The following PRKACB variants were observed in gnomAD, a reference collection of about 807,000 sequenced individuals.
The protein encoded by PRKACB is protein kinase cAMP-activated catalytic subunit beta.
In PRKACB, 16 loss-of-function variants were observed where a neutral mutation model predicts 51.4. That is an observed-to-expected ratio of 0.31 (90% CI 0.21 to 0.47). PRKACB has a LOEUF of 0.47. PRKACB is among the 20% of genes least tolerant of loss of function. PRKACB has a pLI of 1.00. For missense variants in PRKACB, 309 were observed against 464.5 expected (o/e 0.67, Z 3.08); for synonymous variants, 147 against 154.4 (o/e 0.95, Z 0.35).
intron 5 of PRKACB, among the ~76,000 whole-genome samples, chr1:84,191,680 A>G (rs1381572425): frequency 6.6e-6 from 1 of 152,042 alleles, no homozygotes; most frequent in Admixed American, 6.6e-5. Context: ...ACTACTAGAG[A>G]GGAGAGGGAG....
chr1:84,181,006 AAG>A (rs41300522), intron 2 of PRKACB, among the ~76,000 whole-genome samples: 1,947 of 152,154 alleles, frequency 0.013, 54 homozygotes, highest in African/African-American at 0.045. Context: ...TCAGAATTAT[AAG>A]AGCTTTCTGT....
At chr1:84,173,333 C>G (rs1025907665) in intron 1 of PRKACB, 14 of 1,574,036 alleles carry the variant, frequency 8.9e-6, no homozygotes, top group Non-Finnish European at 1.2e-5. Flanking sequence ...ATCAAGCACG[C>G]AAATCATCAG....
intron 1 of PRKACB, among the ~76,000 whole-genome samples, chr1:84,126,434 A>G (rs578013494): frequency 6.6e-6 from 1 of 152,230 alleles, no homozygotes; most frequent in South Asian, 2.1e-4. Context: ...TCCTGCTGTC[A>G]AGCTGTTCCT....
At chr1:84,164,852 A>G (rs1229222155) in intron 1 of PRKACB, 1 of 1,380,312 alleles carries the variant, frequency 7.2e-7, no homozygotes, top group Non-Finnish European at 9.4e-7. Context: ...TTCTCTTTTT[A>G]AAACAAAAGA....
At chr1:84,095,062 A>G (rs1648816262) in intron 1 of PRKACB, among the ~76,000 whole-genome samples, 1 of 151,952 alleles carries the variant, frequency 6.6e-6, no homozygotes, top group South Asian at 2.1e-4. Flanking sequence ...ATATGTAGTA[A>G]GCTATACGAT....
intron 5 of PRKACB, among the ~76,000 whole-genome samples, chr1:84,189,793 C>T (rs979558029): frequency 6.6e-6 from 1 of 151,928 alleles, no homozygotes; most frequent in Non-Finnish European, 1.5e-5. Flanking sequence ...AATTAAAAAT[C>T]ACAACCTTTT....
intron 1 of PRKACB, among the ~76,000 whole-genome samples, chr1:84,176,093 T>C (rs1572069061): frequency 6.6e-6 from 1 of 151,754 alleles, no homozygotes; most frequent in Non-Finnish European, 1.5e-5. Flanking sequence ...AGAGCTAATA[T>C]TCTAACTCAG....
At chr1:84,213,136 C>T (rs2101570651) in intron 8 of PRKACB, among the ~76,000 whole-genome samples, 1 of 152,112 alleles carries the variant, frequency 6.6e-6, no homozygotes, top group African/African-American at 2.4e-5. Context: ...GTAGTTGAGG[C>T]TGTAATAATC....
chr1:84,102,953 A>G (rs981666517), intron 1 of PRKACB, among the ~76,000 whole-genome samples: 13 of 152,086 alleles, frequency 8.5e-5, no homozygotes, highest in African/African-American at 2.7e-4. Flanking sequence ...CTATCTCACC[A>G]TCGTGTATTG....
chr1:84,157,666 C>A (rs1005671631), intron 1 of PRKACB, among the ~76,000 whole-genome samples: 4 of 152,002 alleles, frequency 2.6e-5, no homozygotes, highest in Non-Finnish European at 5.9e-5. Context: ...TTATCTTTTA[C>A]TTTTGGCTTC....
At chr1:84,175,921 C>T (rs1661091861) in intron 1 of PRKACB, 2 of 804,432 alleles carry the variant, frequency 2.5e-6, no homozygotes, top group East Asian at 3.1e-5. Flanking sequence ...TTTGTGTGTC[C>T]TCTTTTTTGT....
Position 84,086,147 on chromosome 1 carries a change from A to G in PRKACB, c.46+7776A>G, listed in dbSNP as rs372165370. 2.6e-5 allele frequency: 41 copies of G among 1,597,586 alleles called. No individual in the cohort carries two copies. The South Asian group carries it at 3.6e-4, about 14-fold the overall frequency. On this transcript the variant is annotated intron_variant, in intron 1 of 8. Transcript: ENST00000370688. Reference sequence around the variant, plus strand: ...GTTGGTGGTGCCCACTGTGCTGGCCATGAAGAATGGGGATGTGGTGGACAA... The same window carrying G: ...GTTGGTGGTGCCCACTGTGCTGGCCGTGAAGAATGGGGATGTGGTGGACAA...
chr1:84,231,651 A>G (rs1675681052), intron 9 of PRKACB, among the ~76,000 whole-genome samples: 1 of 152,174 alleles, frequency 6.6e-6, no homozygotes, highest in African/African-American at 2.4e-5. Flanking sequence ...TAGTCTTCAG[A>G]GAGTGTATGT....
rs1235826458 is a variant in PRKACB, at chr1:84,236,708, T to G, written c.*1403T>G. The G allele has an allele frequency of 6.6e-6, 1 of 152,604 alleles. No homozygotes were observed. The highest frequency in any genetic ancestry group is 1.9e-4 in the East Asian group (1 of 5,202). 9.5% of individuals were successfully genotyped at this position (152,604 alleles called of 1,614,324 possible). On this transcript the variant is annotated 3_prime_UTR_variant, in exon 10 of 10. Coordinates refer to ENST00000370685, the MANE Select transcript of PRKACB (RefSeq NM_182948.4). ...GCTGTCAGGTGGAAATTTCAAGCAC[T>G]TTTGCACATTTAGTTCAGTGTTTGT...
intron 1 of PRKACB, among the ~76,000 whole-genome samples, chr1:84,093,236 A>G (rs917857589): frequency 5.3e-5 from 8 of 151,836 alleles, no homozygotes; most frequent in African/African-American, 1.7e-4. Flanking sequence ...TTTCATATTT[A>G]GAACTACAGT....
chr1:84,086,960 T>C (rs1019698665), intron 1 of PRKACB, among the ~76,000 whole-genome samples: 66 of 152,312 alleles, frequency 4.3e-4, no homozygotes, highest in African/African-American at 1.6e-3. Context: ...AAAGCAAGGG[T>C]CTGCACCTAA....
chr1:84,231,135 G>A (rs1085737), intron 9 of PRKACB, among the ~76,000 whole-genome samples: 148,263 of 151,644 alleles, frequency 0.98, 72,569 homozygotes, highest in East Asian at 1. Context: ...AGTTTTTAGC[G>A]TGTTGAATTT....
At chr1:84,191,835 A>T (rs1388662076) in intron 5 of PRKACB, among the ~76,000 whole-genome samples, 1 of 152,100 alleles carries the variant, frequency 6.6e-6, no homozygotes, top group African/African-American at 2.4e-5. Context: ...CTAAAATATA[A>T]ATTTTAAAAA....
chr1:84,111,107 A>G (rs1650193603), intron 1 of PRKACB, among the ~76,000 whole-genome samples: 1 of 152,046 alleles, frequency 6.6e-6, no homozygotes, highest in South Asian at 2.1e-4. Context: ...CCTGCTTAAA[A>G]TTATCTTTAT....
Sources: allele counts gnomAD v4.1 joint callset (sites outside exome capture counted in the v4.1 genomes callset), GRCh38; gene constraint gnomAD v4.1.1; transcripts MANE v1.5; gene names NCBI Gene and HGNC (gene_info 2026-07-23, HGNC 2026-07-21).